The following LRP1B variants were observed in gnomAD, a reference collection of about 807,000 sequenced individuals.
The protein encoded by LRP1B is LDL receptor related protein 1B, also known as low-density lipoprotein receptor-related protein 1B.
A neutral mutation model predicts 556.6 loss-of-function variants in LRP1B; 217 were observed. The observed-to-expected ratio is 0.39, with a 90% CI of 0.35 to 0.44. LRP1B has a LOEUF of 0.44. Ranked by LOEUF, LRP1B falls within the 20% of genes least tolerant of loss-of-function variation. LRP1B has a pLI of 1.00. For synonymous variants in LRP1B, 2,047 were observed against 1,865.8 expected (o/e 1.10, Z -2.50); for missense variants, 5,053 against 5,620.8 (o/e 0.90, Z 3.23).
rs781705134 is a variant in LRP1B, at chr2:141,247,331, C to T, written c.487G>A (p.Gly163Ser). 22 of 1,613,564 alleles carry T rather than the reference C, an allele frequency of 1.4e-5. No individual in the cohort carries two copies. Among genetic ancestry groups the T allele is most frequent in the Middle Eastern group, 3.3e-4 (2 of 6,074 alleles). The change falls in exon 5 of 91, where the codon GGT becomes AGT. Residue 163 changes from glycine to serine, a missense_variant. By Grantham distance (56) the Gly-to-Ser change is moderately conservative. This residue lies in a region of LRP1B where 3,619 missense variants were observed against 3,931.9 expected (regional missense o/e 0.92). Transcript: ENST00000389484. ...TTTCTGCAGGTCTGGCTGCATGTACCATAAACAGCACATTCATCTTGATCT... is the reference window on the plus strand; with the variant it reads ...TTTCTGCAGGTCTGGCTGCATGTACTATAAACAGCACATTCATCTTGATCT... ...CKDQDECAVYGTCSQTCRNTH... is the reference protein window; with the variant it reads ...CKDQDECAVYSTCSQTCRNTH...
At chr2:142,105,419 G>A (rs938266297) in intron 1 of LRP1B, among the ~76,000 whole-genome samples, 3 of 152,050 alleles carry the variant, frequency 2.0e-5, no homozygotes, top group African/African-American at 7.2e-5. Flanking sequence ...ATTAAATAGG[G>A]CTAGATATGG....
At chr2:140,668,732 ACT>A (rs778982567) in intron 41 of LRP1B, among the ~76,000 whole-genome samples, 9,891 of 152,190 alleles carry the variant, frequency 0.065, 677 homozygotes, top group East Asian at 0.33. Flanking sequence ...TTATCAAGCC[ACT>A]AGATGTTTTA....
intron 1 of LRP1B, among the ~76,000 whole-genome samples, chr2:141,841,121 A>AT (rs1474346284): frequency 1.3e-5 from 2 of 152,132 alleles, no homozygotes; most frequent in Non-Finnish European, 2.9e-5. Context: ...TTAGCTCTTT[A>AT]TTTAAATTTT....
chr2:141,672,819 T>C (rs1444837838), intron 2 of LRP1B, among the ~76,000 whole-genome samples: 2 of 152,200 alleles, frequency 1.3e-5, no homozygotes, highest in Non-Finnish European at 1.5e-5. Flanking sequence ...GAGAGATGAA[T>C]AGAACTTTAA....
chr2:141,223,014 A>G (rs1019861779), intron 6 of LRP1B, among the ~76,000 whole-genome samples: 4 of 152,172 alleles, frequency 2.6e-5, no homozygotes, highest in African/African-American at 9.7e-5. Flanking sequence ...CCTATTCAAC[A>G]TAGAATTAGA....
chr2:140,862,088 T>C (rs1284063660), intron 27 of LRP1B, among the ~76,000 whole-genome samples: 9 of 152,220 alleles, frequency 5.9e-5, no homozygotes, highest in Admixed American at 5.9e-4. Context: ...ATGAAAGTTC[T>C]AGTTTTAGAC....
At chr2:141,771,411 G>C (rs1031870445) in intron 2 of LRP1B, among the ~76,000 whole-genome samples, 1 of 152,152 alleles carries the variant, frequency 6.6e-6, no homozygotes, top group African/African-American at 2.4e-5. Flanking sequence ...CACTTGGTCT[G>C]TTAATCTGTT....
In LRP1B at chr2:140,481,958, C is replaced by T. The variant is rs145822905; in HGVS notation, c.9425+3385G>A. On this transcript the variant is annotated intron_variant, in intron 59 of 90. Transcript: ENST00000389484. The stretch of plus-strand genomic sequence containing the variant: ...TTTTTGCCAAAAAATATCTCTTGCC[C>T]TGTAGAGCACCACGTCACTCAGCTA... Among the ~76,000 whole-genome samples the T allele has an allele frequency of 1.2e-4, 18 of 152,244 alleles. No homozygotes were observed. The East Asian group carries it at 3.5e-3, about 29-fold the overall frequency.
intron 3 of LRP1B, among the ~76,000 whole-genome samples, chr2:141,356,141 C>T (rs1216208338): frequency 1.3e-5 from 2 of 152,138 alleles, no homozygotes; most frequent in African/African-American, 4.8e-5. Flanking sequence ...ACAAGGACTC[C>T]ATTTTTGTAA....
intron 2 of LRP1B, among the ~76,000 whole-genome samples, chr2:141,672,163 G>C (rs756004576): frequency 6.6e-6 from 1 of 152,038 alleles, no homozygotes; most frequent in Non-Finnish European, 1.5e-5. Context: ...AATTTTCAAG[G>C]TTCCAAGTGT....
intron 89 of LRP1B, among the ~76,000 whole-genome samples, chr2:140,235,213 C>T (rs1053366034): frequency 6.6e-6 from 1 of 151,204 alleles, no homozygotes; most frequent in Admixed American, 6.6e-5. Flanking sequence ...CTCTTTTAAA[C>T]TCTTCAAACT....
rs1325525264 is a variant in LRP1B at position 140,509,952 on chromosome 2, C to T, written c.8374G>A (p.Asp2792Asn). The T allele has an allele frequency of 2.5e-6, 4 of 1,613,732 alleles. No individual in the cohort carries two copies. The highest frequency in any genetic ancestry group is 1.3e-5 in the African/African-American group (1 of 74,918). The change falls in exon 52 of 91, where the codon GAT becomes AAT. Residue 2792 changes from aspartate to asparagine, a missense_variant. Asp to Asn is a conservative substitution (Grantham distance 23). Coordinates refer to ENST00000389484, the MANE Select transcript of LRP1B (RefSeq NM_018557.3). ...DGERDCPDGS[D>N]ELSTAGCAPN... ...CCGCAGCCTGCTGTGGAAAGCTCAT[C>T]GCTTCCATCTGGACAGTCCCTTTCA...
intron 27 of LRP1B, among the ~76,000 whole-genome samples, chr2:140,858,385 G>A (rs905358204): frequency 9.2e-5 from 14 of 151,442 alleles, no homozygotes; most frequent in African/African-American, 3.2e-4. Flanking sequence ...TAACAGTGAG[G>A]AGAACAATAC....
chr2:141,610,990 C>T (rs1230486331), intron 2 of LRP1B, among the ~76,000 whole-genome samples: 1 of 152,174 alleles, frequency 6.6e-6, no homozygotes. Flanking sequence ...TCCTATGTTC[C>T]TGAAAGCCCC....
At chr2:140,666,327 CACACCA>C (rs1252206840) in intron 41 of LRP1B, among the ~76,000 whole-genome samples, 3 of 100,524 alleles carry the variant, frequency 3.0e-5, no homozygotes, top group Admixed American at 1.0e-4. Context: ...CACACACACA[CACACCA>C]CACAAATAAA....
intron 7 of LRP1B, among the ~76,000 whole-genome samples, chr2:141,139,466 G>T (rs1039980966): frequency 1.3e-5 from 2 of 151,362 alleles, no homozygotes; most frequent in African/African-American, 4.9e-5. Flanking sequence ...TAAAATATTG[G>T]TGTATACTAT....
chr2:141,594,502 T>C (rs910220352), intron 2 of LRP1B, among the ~76,000 whole-genome samples: 2 of 152,120 alleles, frequency 1.3e-5, no homozygotes, highest in African/African-American at 4.8e-5. Context: ...AATCTAAAAC[T>C]TAGAGTGCTA....
intron 65 of LRP1B, among the ~76,000 whole-genome samples, chr2:140,444,000 T>C (rs1382297305): frequency 1.3e-5 from 2 of 152,198 alleles, no homozygotes; most frequent in African/African-American, 4.8e-5. Context: ...TACTTGTATC[T>C]ACTTAATATG....
At chr2:140,767,479 C>T (rs1427122831) in intron 35 of LRP1B, among the ~76,000 whole-genome samples, 1 of 151,826 alleles carries the variant, frequency 6.6e-6, no homozygotes, top group East Asian at 1.9e-4. Flanking sequence ...ACATATCCTC[C>T]ATCATGGTAC....
Sources: allele counts gnomAD v4.1 joint callset (sites outside exome capture counted in the v4.1 genomes callset), GRCh38; gene constraint gnomAD v4.1.1; regional missense constraint gnomAD v4.1.1; transcripts MANE v1.5; gene names NCBI Gene and HGNC (gene_info 2026-07-23, HGNC 2026-07-21).